LINGO2: variants seen among roughly 807,000 people sequenced by gnomAD.
The protein encoded by LINGO2 is leucine rich repeat and Ig domain containing 2, also known as leucine-rich repeat and immunoglobulin-like domain-containing nogo receptor-interacting protein 2.
A neutral mutation model predicts 30.6 loss-of-function variants in LINGO2; 14 were observed. That is an observed-to-expected ratio of 0.46 (90% CI 0.30 to 0.72). LINGO2 has a LOEUF of 0.72. Among genes scored for constraint, LINGO2 ranks in the 30% least tolerant of loss-of-function variants. The pLI is 0.07. For missense variants in LINGO2, 729 were observed against 751.7 expected, an observed-to-expected ratio of 0.97 and a Z score of 0.35; for synonymous variants, 317 against 288.5, an observed-to-expected ratio of 1.10 and a Z score of -1.00.
chr9:28,958,956 G>A, the LINGO2 span, among the ~76,000 whole-genome samples: 1 of 152,018 alleles, frequency 6.6e-6, no homozygotes, highest in Non-Finnish European at 1.5e-5. Context: ...ACTGGTACAT[G>A]GGACAATGTT....
the LINGO2 span, among the ~76,000 whole-genome samples, chr9:28,747,115 C>T: frequency 1.3e-5 from 2 of 151,826 alleles, no homozygotes; most frequent in African/African-American, 2.4e-5. Flanking sequence ...CCAACCACAC[C>T]CCCCTATCCT....
the LINGO2 span, among the ~76,000 whole-genome samples, chr9:28,794,956 G>A: frequency 6.6e-6 from 1 of 151,530 alleles, no homozygotes; most frequent in Non-Finnish European, 1.5e-5. Context: ...TCAACCTCCC[G>A]AGTAGCTGGG....
At chr9:28,405,452 C>A (rs1207266121) in intron 2 of LINGO2, among the ~76,000 whole-genome samples, 1 of 152,144 alleles carries the variant, frequency 6.6e-6, no homozygotes, top group Non-Finnish European at 1.5e-5. Flanking sequence ...ACTGTCACAT[C>A]AAATTCAATT....
At chr9:28,195,811 G>T (rs554516424) in intron 4 of LINGO2, among the ~76,000 whole-genome samples, 1 of 151,402 alleles carries the variant, frequency 6.6e-6, no homozygotes, top group African/African-American at 2.4e-5. Context: ...CTGTTTAAAT[G>T]TCTTCACAGC....
At chr9:28,766,681 G>T in the LINGO2 span, among the ~76,000 whole-genome samples, 1 of 151,780 alleles carries the variant, frequency 6.6e-6, no homozygotes, top group African/African-American at 2.4e-5. Flanking sequence ...CTACATGTTT[G>T]TCCATGAATG....
chr9:29,039,140 G>A, the LINGO2 span, among the ~76,000 whole-genome samples: 18 of 152,128 alleles, frequency 1.2e-4, no homozygotes, highest in Admixed American at 3.9e-4. Flanking sequence ...GAGTTTGAAA[G>A]ATCTTAAAAT....
chr9:28,936,485 T>C, the LINGO2 span, among the ~76,000 whole-genome samples: 1 of 152,126 alleles, frequency 6.6e-6, no homozygotes, highest in Non-Finnish European at 1.5e-5. Context: ...AGCAAACATA[T>C]CATTATCACT....
At chr9:28,334,784 G>GA (rs1438348827) in intron 3 of LINGO2, among the ~76,000 whole-genome samples, 1 of 152,140 alleles carries the variant, frequency 6.6e-6, no homozygotes, top group East Asian at 1.9e-4. Flanking sequence ...TCATGAACCT[G>GA]AAATGATCCT....
At chr9:29,176,931 G>C in the LINGO2 span, among the ~76,000 whole-genome samples, 1 of 152,170 alleles carries the variant, frequency 6.6e-6, no homozygotes, top group African/African-American at 2.4e-5. Flanking sequence ...CAAGAGAAAA[G>C]TTTAAGCAAC....
At chr9:28,302,602 T>C (rs907049001) in intron 3 of LINGO2, among the ~76,000 whole-genome samples, 3 of 152,044 alleles carry the variant, frequency 2.0e-5, no homozygotes, top group Non-Finnish European at 2.9e-5. Flanking sequence ...ACCCAGGAAG[T>C]TGTGGCTGTA....
the LINGO2 span, among the ~76,000 whole-genome samples, chr9:28,860,578 AGATAGATAGATG>A: frequency 1.3e-5 from 2 of 151,404 alleles, no homozygotes; most frequent in East Asian, 3.9e-4. Flanking sequence ...GATAGAAGAA[AGATAGATAGATG>A]GATAGATAGA....
chr9:28,332,447 G>A (rs911322963), intron 3 of LINGO2, among the ~76,000 whole-genome samples: 15 of 152,036 alleles, frequency 9.9e-5, no homozygotes, highest in South Asian at 2.1e-4. Flanking sequence ...TCTAATAAAC[G>A]AAAAAGACAT....
At chr9:27,987,201 T>C (rs1036102407) in intron 5 of LINGO2, among the ~76,000 whole-genome samples, 16 of 151,922 alleles carry the variant, frequency 1.1e-4, no homozygotes, top group African/African-American at 3.6e-4. Flanking sequence ...ATATTCTTAA[T>C]AAGTAGCTAT....
chr9:29,007,039 G>T, the LINGO2 span, among the ~76,000 whole-genome samples: 1 of 152,064 alleles, frequency 6.6e-6, no homozygotes, highest in South Asian at 2.1e-4. Context: ...TATTAAGCAT[G>T]CCTACTGAGG....
intron 1 of LINGO2, among the ~76,000 whole-genome samples, chr9:28,498,819 T>C (rs952811344): frequency 4.6e-5 from 7 of 152,154 alleles, no homozygotes; most frequent in Admixed American, 3.9e-4. Flanking sequence ...CTATTTAGGC[T>C]ACTTTGATCA....
At chr9:28,782,255 G>T in the LINGO2 span, among the ~76,000 whole-genome samples, 1 of 152,264 alleles carries the variant, frequency 6.6e-6, no homozygotes, top group Middle Eastern at 3.4e-3. Context: ...TGAGAAAGCA[G>T]AAATTTTCAT....
chr9:28,532,979 C>G (rs967410384), intron 1 of LINGO2, among the ~76,000 whole-genome samples: 2 of 152,096 alleles, frequency 1.3e-5, no homozygotes, highest in East Asian at 3.9e-4. Context: ...TGGTTAATAC[C>G]GAGTGTCAAC....
chr9:28,161,425 G>C (rs1237021558), intron 4 of LINGO2, among the ~76,000 whole-genome samples: 1 of 152,016 alleles, frequency 6.6e-6, no homozygotes, highest in Non-Finnish European at 1.5e-5. Context: ...TAAGTGTAAT[G>C]ACAATAATTT....
the LINGO2 span, among the ~76,000 whole-genome samples, chr9:28,982,058 T>G: frequency 1.3e-5 from 2 of 152,152 alleles, no homozygotes. Flanking sequence ...ATATGGTTTA[T>G]GAGTGTGTTT....
Sources: allele counts gnomAD v4.1 joint callset (sites outside exome capture counted in the v4.1 genomes callset), GRCh38; gene constraint gnomAD v4.1.1; transcripts MANE v1.5; gene names NCBI Gene and HGNC (gene_info 2026-07-23, HGNC 2026-07-21).